Variants in PCDH15 observed in about 807,000 individuals in gnomAD.
The protein encoded by PCDH15 is protocadherin related 15.
Under a neutral mutation model 178.5 loss-of-function variants are expected in PCDH15, and 129 were observed. The observed-to-expected ratio is 0.72, with a 90% CI of 0.63 to 0.84. The LOEUF (loss-of-function observed/expected upper bound fraction) is 0.84. Ranked by LOEUF, PCDH15 falls within the 40% of genes least tolerant of loss-of-function variation. PCDH15 has a pLI of 0.00. For synonymous variants in PCDH15, 800 were observed against 732.0 expected, an observed-to-expected ratio of 1.09 and a Z score of -1.50; for missense variants, 2,230 against 2,099.9, an observed-to-expected ratio of 1.06 and a Z score of -1.21.
At chr10:54,371,120 A>G (rs1471877108) in intron 4 of PCDH15, among the ~76,000 whole-genome samples, 1 of 151,872 alleles carries the variant, frequency 6.6e-6, no homozygotes, top group African/African-American at 2.4e-5. Context: ...ATGACAAAAG[A>G]CATGGTTCAA....
chr10:54,389,303 G>A (rs1384083537), intron 3 of PCDH15, among the ~76,000 whole-genome samples: 1 of 152,146 alleles, frequency 6.6e-6, no homozygotes. Context: ...TACACATGAA[G>A]ATAAATTCAT....
At chr10:54,996,364 T>A (rs1839644029) in intron 2 of PCDH15, among the ~76,000 whole-genome samples, 1 of 152,184 alleles carries the variant, frequency 6.6e-6, no homozygotes, top group Non-Finnish European at 1.5e-5. Flanking sequence ...GCTGAAGGAA[T>A]TTCCATTTGA....
Position 54,344,453 on chromosome 10 carries a change from A to T in PCDH15, c.594+1912T>A, listed in dbSNP as rs144576146. On this transcript the variant is annotated intron_variant, in intron 6 of 37. Transcript: ENST00000644397. ...AACTGTCTACATTTTAAGCAGAAAGATAGTTTAAAGTAATATATTTTTGCT... is the reference window on the plus strand; with the variant it reads ...AACTGTCTACATTTTAAGCAGAAAGTTAGTTTAAAGTAATATATTTTTGCT... Among the ~76,000 whole-genome samples the T allele has an allele frequency of 6.6e-5, 10 of 152,316 alleles. No homozygotes were observed. The East Asian group carries it at 1.4e-3, about 21-fold the overall frequency.
chr10:54,232,936 T>C (rs954438784), intron 9 of PCDH15, among the ~76,000 whole-genome samples: 2 of 149,046 alleles, frequency 1.3e-5, no homozygotes, highest in Non-Finnish European at 3.0e-5. Flanking sequence ...TTTTTTTTTT[T>C]TTTTTTTTTA....
chr10:54,285,882 G>T (rs1421054895), intron 8 of PCDH15, among the ~76,000 whole-genome samples: 1 of 152,086 alleles, frequency 6.6e-6, no homozygotes, highest in Non-Finnish European at 1.5e-5. Flanking sequence ...ATACCATTCA[G>T]CCATAAAAAA....
chr10:53,940,366 T>C (rs1018521620), intron 24 of PCDH15, among the ~76,000 whole-genome samples: 6 of 152,182 alleles, frequency 3.9e-5, no homozygotes, highest in Admixed American at 2.6e-4. Flanking sequence ...TTGACTATTT[T>C]GGGAATCATA....
chr10:54,955,734 C>T (rs1838469240), intron 2 of PCDH15, among the ~76,000 whole-genome samples: 1 of 151,224 alleles, frequency 6.6e-6, no homozygotes, highest in South Asian at 2.1e-4. Flanking sequence ...TGTAGGCACA[C>T]ATCTTGAAAC....
intron 2 of PCDH15, among the ~76,000 whole-genome samples, chr10:55,047,353 T>G: frequency 6.6e-6 from 1 of 151,978 alleles, no homozygotes; most frequent in South Asian, 2.1e-4. Context: ...TTACATTGAT[T>G]ATTACTAATA....
intron 2 of PCDH15, among the ~76,000 whole-genome samples, chr10:55,355,442 T>C (rs185903459): frequency 6.6e-6 from 1 of 152,124 alleles, no homozygotes; most frequent in Non-Finnish European, 1.5e-5. Flanking sequence ...TTCTCATAAG[T>C]ATGTGATGGT....
chr10:55,083,835 A>G (rs1185665569), intron 2 of PCDH15, among the ~76,000 whole-genome samples: 3 of 151,768 alleles, frequency 2.0e-5, no homozygotes, highest in Admixed American at 1.3e-4. Flanking sequence ...CAAATAAAAC[A>G]AGACACCCAG....
rs190053319 is a variant in PCDH15, at chr10:54,262,055, A to C, written c.877-25124T>G. On this transcript the variant is annotated intron_variant, in intron 8 of 37. Transcript: ENST00000644397. Reference sequence around the variant, plus strand: ...GAGTGAAGGAACCCTGGGACACTACATACCCACAATGTACTTCTGAGATCC... The same window carrying C: ...GAGTGAAGGAACCCTGGGACACTACCTACCCACAATGTACTTCTGAGATCC... Among the ~76,000 whole-genome samples, 353 of 152,266 alleles carry C rather than the reference A, an allele frequency of 2.3e-3. 1 individual carries two copies. Among genetic ancestry groups the C allele is most frequent in the African/African-American group, 8.0e-3 (332 of 41,554 alleles).
At chr10:54,763,103 T>C (rs763762562) in intron 1 of PCDH15, among the ~76,000 whole-genome samples, 1 of 152,144 alleles carries the variant, frequency 6.6e-6, no homozygotes, top group African/African-American at 2.4e-5. Flanking sequence ...TTCTGGGTAA[T>C]AGGGAGGCTC....
chr10:54,767,848 G>A (rs117557957), intron 1 of PCDH15, among the ~76,000 whole-genome samples: 1,753 of 152,154 alleles, frequency 0.012, 31 homozygotes, highest in East Asian at 0.055. Flanking sequence ...GAAGCCCAAA[G>A]AGTTAGGACA....
At chr10:54,709,060 G>A (rs115100611) in intron 1 of PCDH15, among the ~76,000 whole-genome samples, 2,606 of 152,044 alleles carry the variant, frequency 0.017, 75 homozygotes, top group African/African-American at 0.058. Flanking sequence ...AAACCTGACC[G>A]TGGATATTTG....
In PCDH15 at chr10:53,995,476, T is replaced by A. The variant is rs1345893978; in HGVS notation, c.2868+173A>T. ...CTTTGTCTAGGTTCAATAATAGTCA[T>A]CTGAAATATGCTCTGTACCTGTGGA... On this transcript the variant is annotated intron_variant, in intron 21 of 37. Coordinates refer to ENST00000644397, the MANE Select transcript of PCDH15 (RefSeq NM_001384140.1). 1.0e-5 allele frequency: 12 copies of A among 1,182,694 alleles called. 1 individual carries two copies. In the Admixed American group the frequency reaches 2.7e-4, roughly 26 times the overall value. The allele number at this position is 1,182,694 out of a possible 1,614,324, so 73.3% of individuals were successfully genotyped here. A position where few individuals can be genotyped will look rare whatever the true frequency, so the allele number is the denominator to read the frequency against.
intron 35 of PCDH15, among the ~76,000 whole-genome samples, chr10:53,814,714 C>T (rs2075998495): frequency 6.6e-6 from 1 of 152,020 alleles, no homozygotes; most frequent in Non-Finnish European, 1.5e-5. Flanking sequence ...GCCTGTACTC[C>T]CAGCACTTTG....
intron 1 of PCDH15, among the ~76,000 whole-genome samples, chr10:54,670,018 C>T (rs928186670): frequency 4.6e-5 from 7 of 152,036 alleles, no homozygotes; most frequent in Non-Finnish European, 2.9e-5. Context: ...TGCACCACTG[C>T]ACTTCAGCCT....
intron 11 of PCDH15, among the ~76,000 whole-genome samples, chr10:54,194,257 C>T (rs2049338736): frequency 6.6e-6 from 1 of 152,004 alleles, no homozygotes; most frequent in Non-Finnish European, 1.5e-5. Context: ...GATTATAAAG[C>T]TATGTGTAAT....
intron 2 of PCDH15, among the ~76,000 whole-genome samples, chr10:55,354,726 G>A (rs1219574198): frequency 6.6e-6 from 1 of 151,744 alleles, no homozygotes; most frequent in Non-Finnish European, 1.5e-5. Flanking sequence ...CTTTTTGGTT[G>A]GTGATTTTGT....
Sources: gnomAD v4.1 joint callset for allele counts (sites outside exome capture counted in the v4.1 genomes callset) on GRCh38, gnomAD v4.1.1 for gene constraint, MANE v1.5 for transcripts, NCBI Gene and HGNC (gene_info 2026-07-23, HGNC 2026-07-21) for gene names.